LOXHD1: variants seen among roughly 807,000 people sequenced by gnomAD.
The protein encoded by LOXHD1 is lipoxygenase homology PLAT domains 1, also known as lipoxygenase homology domain-containing protein 1.
In LOXHD1, 205 loss-of-function variants were observed where a neutral mutation model predicts 248.2. That is an observed-to-expected ratio of 0.83 (90% CI 0.74 to 0.93). LOXHD1 has a LOEUF of 0.93. LOXHD1 is among the 40% of genes least tolerant of loss of function. The probability of loss-of-function intolerance (pLI) is 0.00; values close to 1 mark genes in which losing one functional copy is unlikely to be tolerated. For missense variants in LOXHD1, 2,930 were observed against 2,971.6 expected (o/e 0.99, Z 0.33); for synonymous variants, 1,113 against 1,162.8 (o/e 0.96, Z 0.87).
chr18:46,584,040 C>T (rs1456828578), intron 12 of LOXHD1, among the ~76,000 whole-genome samples: 1 of 152,104 alleles, frequency 6.6e-6, no homozygotes, highest in Admixed American at 6.6e-5. Flanking sequence ...AATCCTGTCA[C>T]TTGCAACAAC....
At chr18:46,525,891 C>T (rs1359451807) in intron 29 of LOXHD1, among the ~76,000 whole-genome samples, 2 of 152,180 alleles carry the variant, frequency 1.3e-5, no homozygotes, top group Non-Finnish European at 2.9e-5. Context: ...TGGGTAATTC[C>T]AGCTCAGGTG....
Position 46,579,774 on chromosome 18 carries a change from G to A in LOXHD1, c.1665C>T (p.Tyr555=). ...GTTCACCTGTGCACACAGTCACATG[G>A]TACCGGGCCACTGGCAGGCAGAGAG... The part of the protein sequence containing the change: ...TVRRIMGMAR[Y]HVTVCTGELE... The change falls in exon 13 of 41, where the codon TAC becomes TAT. Residue 555 remains tyrosine (Y), a synonymous_variant. Coordinates refer to ENST00000642948, the MANE Select transcript of LOXHD1 (RefSeq NM_001384474.1). The A allele has an allele frequency of 6.4e-7, 1 of 1,551,366 alleles. No individual in the cohort carries two copies. Among genetic ancestry groups the A allele is most frequent in the Non-Finnish European group, 8.7e-7 (1 of 1,146,670 alleles).
chr18:46,495,041 T>C (rs1343841676), intron 37 of LOXHD1, among the ~76,000 whole-genome samples: 2 of 152,018 alleles, frequency 1.3e-5, no homozygotes, highest in Non-Finnish European at 2.9e-5. Flanking sequence ...TTTTGTTTTG[T>C]ATTTTTAGTA....
intron 4 of LOXHD1, among the ~76,000 whole-genome samples, chr18:46,624,775 G>A (rs975072457): frequency 1.7e-4 from 26 of 152,088 alleles, no homozygotes; most frequent in African/African-American, 5.3e-4. Context: ...TTCTTCCTTT[G>A]CTTTCCTCCT....
chr18:46,484,332 T>G (rs1406602855), intron 39 of LOXHD1, among the ~76,000 whole-genome samples: 1 of 152,040 alleles, frequency 6.6e-6, no homozygotes, highest in Non-Finnish European at 1.5e-5. Context: ...TCCAGTGTGA[T>G]GGTATTTGGA....
At position 46,477,859 on chromosome 18, in the gene LOXHD1, G is replaced by A. The variant is rs1022840392; in HGVS notation, c.6435C>T (p.Ala2145=). 5 of 1,551,684 alleles carry A rather than the reference G, an allele frequency of 3.2e-6. No individual in the cohort carries two copies. In the African/African-American group the frequency reaches 4.1e-5, roughly 13 times the overall value. ...CGGGCACCAGGCTCTGGACCTTGCT[G>A]GCAAAGCTCTCTGTCGTCTTGGTAA... ...FEVTKTTESF[A]SKVQSLVPVK... is the part of the protein sequence containing the mutation. The change falls in exon 41 of 41, where the codon GCC becomes GCT. Residue 2145 remains alanine, a synonymous_variant. Coordinates refer to ENST00000642948, the MANE Select transcript of LOXHD1 (RefSeq NM_001384474.1).
At chr18:46,573,500 C>T (rs986015104) in intron 14 of LOXHD1, among the ~76,000 whole-genome samples, 1 of 152,208 alleles carries the variant, frequency 6.6e-6, no homozygotes, top group African/African-American at 2.4e-5. Context: ...AAACCACCTC[C>T]CATTTGTCTA....
At chr18:46,551,109 T>C (rs927083114) in intron 21 of LOXHD1, among the ~76,000 whole-genome samples, 1 of 150,366 alleles carries the variant, frequency 6.7e-6, no homozygotes, top group Non-Finnish European at 1.5e-5. Flanking sequence ...TTCTTTTCTT[T>C]TTTTTTTTTT....
intron 14 of LOXHD1, among the ~76,000 whole-genome samples, chr18:46,576,338 C>T (rs986771993): frequency 1.3e-5 from 2 of 152,080 alleles, no homozygotes; most frequent in Admixed American, 1.3e-4. Flanking sequence ...CACCCCGCTT[C>T]CCCCGTGGCT....
At chr18:46,495,832 G>C (rs933845004) in intron 37 of LOXHD1, among the ~76,000 whole-genome samples, 5 of 152,172 alleles carry the variant, frequency 3.3e-5, no homozygotes, top group Non-Finnish European at 7.4e-5. Flanking sequence ...TTTAAAAAGA[G>C]ATCAGCCTGA....
At position 46,569,534 on chromosome 18, in the gene LOXHD1, G is replaced by A; in HGVS notation, c.2152C>T (p.Gln718Ter). ...LYGDKSDTIK[Q>*]VLLVSDNNLK... ...TTGTTGTCAGAGACAAGAAGAACTT[G>A]CTTGATGGTGTCAGATTTATCCCCA... Residue 718 changes from glutamine (Q) to a stop codon, truncating the protein, a stop_gained, in exon 16 of 41, where the codon CAA becomes TAA. Coordinates refer to ENST00000642948, the MANE Select transcript of LOXHD1 (RefSeq NM_001384474.1). LOFTEE classifies it high-confidence loss of function. 1 of 1,552,018 alleles carries A rather than the reference G, an allele frequency of 6.4e-7. No individual in the cohort carries two copies. The highest frequency in any genetic ancestry group is 8.7e-7 in the Non-Finnish European group (1 of 1,147,060).
chr18:46,501,321 G>A lies in LOXHD1; in HGVS notation c.5878+4517C>T, dbSNP rs576208964. Among the ~76,000 whole-genome samples the A allele has an allele frequency of 7.2e-5, 11 of 152,304 alleles. No individual in the cohort carries two copies. The South Asian group carries it at 2.3e-3, about 32-fold the overall frequency. ...ACTGCCTTCTTGTTTCATCTCTCAT[G>A]CCATAAACAATTGTCCTTTTCATGG... is the stretch of plus-strand genomic sequence containing the variant. On this transcript the variant is annotated intron_variant, in intron 37 of 40. Transcript: ENST00000642948.
At chr18:46,502,003 T>C (rs2034261970) in intron 37 of LOXHD1, among the ~76,000 whole-genome samples, 1 of 152,230 alleles carries the variant, frequency 6.6e-6, no homozygotes, top group Non-Finnish European at 1.5e-5. Flanking sequence ...TTACATACAG[T>C]GGCTTAAATA....
rs748172948 is a variant in LOXHD1 at position 46,529,285 on chromosome 18, T to C, written c.4422A>G (p.Ala1474=). Residue 1474 remains alanine (A), a synonymous_variant, in exon 29 of 41, where the codon GCA becomes GCG. Transcript: ENST00000642948. ...VQIFTGNIPG[A]GTDAKVYITI... is the part of the protein sequence containing the mutation. ...TGATGTACACCTTGGCATCCGTCCC[T>C]GCCCCAGGAATGTTCCCTGTGAAGA... 1.3e-6 allele frequency: 2 copies of C among 1,551,684 alleles called. No individual in the cohort carries two copies. Among genetic ancestry groups the C allele is most frequent in the Admixed American group, 2.0e-5 (1 of 50,984 alleles).
At chr18:46,616,960 T>C (rs1294713827) in intron 5 of LOXHD1, among the ~76,000 whole-genome samples, 1 of 152,230 alleles carries the variant, frequency 6.6e-6, no homozygotes, top group Non-Finnish European at 1.5e-5. Context: ...TTATTGTGTG[T>C]TGTGTTGATT....
chr18:46,524,464 A>G lies in LOXHD1; in HGVS notation c.4876+2T>C. On this transcript the variant is annotated splice_donor_variant, in intron 31 of 40. Coordinates refer to ENST00000642948, the MANE Select transcript of LOXHD1 (RefSeq NM_001384474.1). LOFTEE classifies it high-confidence loss of function. The stretch of plus-strand genomic sequence containing the variant: ...GTCCAAAGAGCTCCCTGGTTGGCTT[A>G]CTTGGGCCCTCTTGAACGTAGTCAG... 1 of 1,548,818 alleles carries G rather than the reference A, an allele frequency of 6.5e-7. No individual in the cohort carries two copies. The highest frequency in any genetic ancestry group is 2.4e-5 in the East Asian group (1 of 40,838).
chr18:46,523,721 T>C (rs1174536724), intron 31 of LOXHD1, among the ~76,000 whole-genome samples: 1 of 152,048 alleles, frequency 6.6e-6, no homozygotes, highest in Admixed American at 6.5e-5. Flanking sequence ...CCTTATTTTA[T>C]CTTTACAGGG....
chr18:46,507,813 TC>T lies in LOXHD1; in HGVS notation c.5518-102del, dbSNP rs1255097528. 2.1e-5 allele frequency: 27 copies of T among 1,285,476 alleles called. No homozygotes were observed. In the East Asian group the frequency reaches 5.9e-4, roughly 28 times the overall value. 79.6% of individuals were successfully genotyped at this position (1,285,476 alleles called of 1,614,324 possible). ...CCTCCCCGAATCCCAACCCTGGAGA[TC>T]CCAGACCTGAGACAAGCGCTTGCGA... On this transcript the variant is annotated intron_variant, in intron 35 of 40. Coordinates refer to ENST00000642948, the MANE Select transcript of LOXHD1 (RefSeq NM_001384474.1).
intron 4 of LOXHD1, among the ~76,000 whole-genome samples, chr18:46,633,564 C>A (rs2038854576): frequency 6.6e-6 from 1 of 151,960 alleles, no homozygotes; most frequent in South Asian, 2.1e-4. Flanking sequence ...TTGACCTTGG[C>A]AATTTTTTAG....
Sources: allele counts gnomAD v4.1 joint callset (sites outside exome capture counted in the v4.1 genomes callset), GRCh38; gene constraint gnomAD v4.1.1; transcripts MANE v1.5; gene names NCBI Gene and HGNC (gene_info 2026-07-23, HGNC 2026-07-21).